Variants in GRID2 observed in about 807,000 individuals in gnomAD.
GRID2 encodes the protein glutamate receptor ionotropic, delta-2.
A neutral mutation model predicts 114.8 loss-of-function variants in GRID2; 33 were observed. That is an observed-to-expected ratio of 0.29 (90% confidence interval 0.22 to 0.38). GRID2 has a LOEUF of 0.38. GRID2 is among the 10% of genes least tolerant of loss of function. The pLI is 1.00. For missense variants in GRID2, 1,184 were observed against 1,257.7 expected, an observed-to-expected ratio of 0.94 and a Z score of 0.89; for synonymous variants, 505 against 449.9, an observed-to-expected ratio of 1.12 and a Z score of -1.55.
chr4:92,369,076 G>T (rs1729000610), intron 1 of GRID2, among the ~76,000 whole-genome samples: 1 of 151,864 alleles, frequency 6.6e-6, no homozygotes, highest in South Asian at 2.1e-4. Flanking sequence ...CAGATTACTA[G>T]CTGGTAAAAA....
intron 1 of GRID2, among the ~76,000 whole-genome samples, chr4:92,412,880 C>G (rs1393992178): frequency 6.6e-6 from 1 of 152,198 alleles, no homozygotes; most frequent in Non-Finnish European, 1.5e-5. Context: ...TATGTGACCT[C>G]CACATCACAA....
intron 2 of GRID2, among the ~76,000 whole-genome samples, chr4:92,952,399 C>A (rs746641161): frequency 3.3e-5 from 5 of 152,230 alleles, no homozygotes; most frequent in Admixed American, 6.5e-5. Context: ...TTGCTTTATT[C>A]TGCTTTCTTA....
At chr4:92,460,446 G>C (rs1721441147) in intron 1 of GRID2, among the ~76,000 whole-genome samples, 1 of 151,908 alleles carries the variant, frequency 6.6e-6, no homozygotes. Context: ...CTAGATATTT[G>C]AATAAATGTT....
intron 2 of GRID2, among the ~76,000 whole-genome samples, chr4:92,974,217 G>A (rs1753707523): frequency 6.6e-6 from 1 of 152,148 alleles, no homozygotes; most frequent in Non-Finnish European, 1.5e-5. Context: ...GGAAAAATAG[G>A]AACGCTTTTA....
chr4:92,951,864 T>A (rs1752066781), intron 2 of GRID2, among the ~76,000 whole-genome samples: 1 of 152,212 alleles, frequency 6.6e-6, no homozygotes, highest in African/African-American at 2.4e-5. Context: ...TAACAATCTT[T>A]TATTAATCTT....
At chr4:93,273,984 G>A (rs1162313290) in intron 8 of GRID2, among the ~76,000 whole-genome samples, 2 of 152,058 alleles carry the variant, frequency 1.3e-5, no homozygotes, top group Non-Finnish European at 2.9e-5. Flanking sequence ...TTTTTATAAT[G>A]CAGAATCTGC....
At chr4:93,374,090 A>C (rs1411237202) in intron 8 of GRID2, among the ~76,000 whole-genome samples, 1 of 152,168 alleles carries the variant, frequency 6.6e-6, no homozygotes, top group Admixed American at 6.5e-5. Flanking sequence ...AGACAGGTAG[A>C]TTGCACTGTC....
chr4:92,523,697 G>A (rs1352371819), intron 1 of GRID2, among the ~76,000 whole-genome samples: 1 of 152,164 alleles, frequency 6.6e-6, no homozygotes, highest in African/African-American at 2.4e-5. Flanking sequence ...CTTGGTGATA[G>A]TTGTGATAGC....
intron 1 of GRID2, among the ~76,000 whole-genome samples, chr4:92,402,912 A>G (rs775016385): frequency 2.0e-5 from 3 of 152,224 alleles, no homozygotes; most frequent in African/African-American, 4.8e-5. Context: ...TTTTGTCTGC[A>G]TGGAAAATCT....
intron 1 of GRID2, among the ~76,000 whole-genome samples, chr4:92,377,113 G>A (rs1056890021): frequency 3.3e-5 from 5 of 152,080 alleles, no homozygotes; most frequent in African/African-American, 9.7e-5. Context: ...CTATCACATT[G>A]TCAGCCTGCA....
chr4:92,827,352 C>T (rs1674612296), intron 2 of GRID2, among the ~76,000 whole-genome samples: 1 of 149,044 alleles, frequency 6.7e-6, no homozygotes, highest in South Asian at 2.1e-4. Flanking sequence ...TAAACAAAAA[C>T]TCTTTGGAAA....
intron 14 of GRID2, among the ~76,000 whole-genome samples, chr4:93,649,497 A>C (rs1266922047): frequency 6.6e-6 from 1 of 152,182 alleles, no homozygotes; most frequent in East Asian, 1.9e-4. Flanking sequence ...GAACTTACTA[A>C]GAAAAGTTTT....
intron 11 of GRID2, among the ~76,000 whole-genome samples, chr4:93,466,238 G>T (rs1724257254): frequency 6.6e-6 from 1 of 152,260 alleles, no homozygotes; most frequent in South Asian, 2.1e-4. Flanking sequence ...CAGCTAAAAT[G>T]ATGATGATGA....
chr4:92,987,133 T>C (rs1455532927), intron 2 of GRID2, among the ~76,000 whole-genome samples: 2 of 152,238 alleles, frequency 1.3e-5, no homozygotes, highest in Admixed American at 1.3e-4. Context: ...ACTGATTTTT[T>C]GCCAGCTCTC....
At chr4:93,579,081 T>C (rs1363818100) in intron 13 of GRID2, among the ~76,000 whole-genome samples, 1 of 152,178 alleles carries the variant, frequency 6.6e-6, no homozygotes, top group African/African-American at 2.4e-5. Context: ...CAGTCTGAAA[T>C]AACTTCTTTC....
At chr4:92,464,889 T>C (rs1560648693) in intron 1 of GRID2, among the ~76,000 whole-genome samples, 1 of 152,128 alleles carries the variant, frequency 6.6e-6, no homozygotes, top group African/African-American at 2.4e-5. Context: ...TGGGAGGTGA[T>C]TGGATCACGG....
At chr4:92,430,409 C>T (rs939038092) in intron 1 of GRID2, among the ~76,000 whole-genome samples, 1 of 152,064 alleles carries the variant, frequency 6.6e-6, no homozygotes, top group African/African-American at 2.4e-5. Flanking sequence ...AATGAGTTCA[C>T]TGTAGATGTA....
At chr4:93,288,297 T>G (rs1201256262) in intron 8 of GRID2, among the ~76,000 whole-genome samples, 1 of 152,292 alleles carries the variant, frequency 6.6e-6, no homozygotes, top group Non-Finnish European at 1.5e-5. Context: ...AGTTCCAAAA[T>G]AATAATGTGC....
intron 2 of GRID2, among the ~76,000 whole-genome samples, chr4:92,805,084 G>C (rs1475597413): frequency 6.6e-6 from 1 of 151,920 alleles, no homozygotes. Context: ...CTAGCAGATA[G>C]GTAACTATTA....
Sources: allele counts gnomAD v4.1 joint callset (sites outside exome capture counted in the v4.1 genomes callset), GRCh38; gene constraint gnomAD v4.1.1; transcripts MANE v1.5; gene names NCBI Gene and HGNC (gene_info 2026-07-23, HGNC 2026-07-21).